The following ZNF451 variants were observed in gnomAD, a reference collection of about 807,000 sequenced individuals.
The protein encoded by ZNF451 is zinc finger protein 451, also known as E3 SUMO-protein ligase ZNF451.
Under a neutral mutation model 107.1 loss-of-function variants are expected in ZNF451, and 80 were observed. That is an observed-to-expected ratio of 0.75 (90% CI 0.62 to 0.90). ZNF451 has a LOEUF of 0.90. Ranked by LOEUF, ZNF451 falls within the 40% of genes least tolerant of loss-of-function variation. The pLI is 0.00. For missense variants in ZNF451, 1,107 were observed against 1,236.2 expected (o/e 0.90, Z 1.57); for synonymous variants, 362 against 406.5 (o/e 0.89, Z 1.32).
intron 3 of ZNF451, among the ~76,000 whole-genome samples, chr6:57,115,851 T>C (rs577940570): frequency 3.5e-4 from 53 of 152,342 alleles, no homozygotes; most frequent in Non-Finnish European, 4.4e-4. Flanking sequence ...TTTAATATTA[T>C]GTGTTTTATT....
chr6:57,101,578 G>A (rs1379297658), intron 3 of ZNF451: 1 of 1,550,914 alleles, frequency 6.4e-7, no homozygotes, highest in South Asian at 1.2e-5. Context: ...TGCAGCCCGA[G>A]CTGCTAGCTA....
intron 13 of ZNF451, 66 bp from the exon 14 acceptor site, chr6:57,161,018 G>T: frequency 9.6e-7 from 1 of 1,044,782 alleles, no homozygotes; most frequent in South Asian, 1.9e-5. Context: ...AGCAGTTATT[G>T]AAAATAATAT....
At chr6:57,112,570 C>T (rs559444820) in intron 3 of ZNF451, among the ~76,000 whole-genome samples, 24 of 152,298 alleles carry the variant, frequency 1.6e-4, no homozygotes, top group African/African-American at 5.8e-4. Flanking sequence ...ACCTTCTTCC[C>T]TCCTACAAAT....
At chr6:57,160,900 T>C (rs913394553) in intron 13 of ZNF451, 184 bp from the exon 14 acceptor site, 15 of 429,514 alleles carry the variant, frequency 3.5e-5, no homozygotes, top group Admixed American at 1.8e-4. Context: ...AACAGGAGAA[T>C]TTAATGTCAC....
chr6:57,151,830 A>T (rs992929858), intron 11 of ZNF451: 3 of 157,442 alleles, frequency 1.9e-5, no homozygotes, highest in African/African-American at 7.2e-5. Flanking sequence ...GACCTGGATA[A>T]GTTAGCCAGT....
intron 3 of ZNF451, chr6:57,124,504 T>A: frequency 1.4e-6 from 1 of 714,716 alleles, no homozygotes; most frequent in East Asian, 2.7e-5. Flanking sequence ...TTTAAGTGAA[T>A]AAAGATGATA....
In ZNF451 at chr6:57,133,192, G is replaced by A; in HGVS notation, c.575G>A (p.Arg192Lys). The stretch of plus-strand genomic sequence containing the variant: ...CACCTTCTCTTAGGACATTTGAAAA[G>A]GTAAGTAGGATATTCATAATAGTGA... The part of the protein sequence containing the change: ...NGHLLLGHLK[R>K]FDHSPCDPTI... The change falls in exon 6 of 15, where the codon AGG (arginine) becomes AAG (lysine). Residue 192 changes from arginine to lysine, a missense_variant and splice_region_variant. Physicochemically the swap from Arg to Lys is conservative, Grantham distance 26. Transcript: ENST00000370706. The A allele has an allele frequency of 6.2e-7, 1 of 1,613,010 alleles. No individual in the cohort carries two copies. Among genetic ancestry groups the A allele is most frequent in the Non-Finnish European group, 8.5e-7 (1 of 1,179,372 alleles).
intron 3 of ZNF451, chr6:57,108,048 C>A: frequency 3.2e-6 from 2 of 626,374 alleles, no homozygotes; most frequent in Non-Finnish European, 4.0e-6. Flanking sequence ...CCGTGTTAGT[C>A]CAGGTGGTCT....
In ZNF451 at chr6:57,161,112, CA is replaced by C; in HGVS notation, c.3104del (p.Asn1035IlefsTer4). Reference sequence around the variant, plus strand: ...GTGACAGTGATGATAACATGGGTGCCAAAAATACTTCAATAGGAGAAGAATT... The same window carrying C: ...GTGACAGTGATGATAACATGGGTGCCAAAATACTTCAATAGGAGAAGAATT... Reference protein sequence around the residue: ...ECDSDDNMGAKNTSIGEEFIS... With the variant: ...ECDSDDNMGAXNTSIGEEFIS... On this transcript the variant is annotated frameshift_variant, in exon 14 of 15. Transcript: ENST00000370706. LOFTEE classifies it high-confidence loss of function. 4 of 1,559,382 alleles carry C rather than the reference CA, an allele frequency of 2.6e-6. No individual in the cohort carries two copies. Among genetic ancestry groups the C allele is most frequent in the South Asian group, 1.2e-5 (1 of 81,176 alleles).
intron 7 of ZNF451, among the ~76,000 whole-genome samples, chr6:57,138,741 A>ATGTGTGTGTG (rs1185366526): frequency 4.3e-5 from 2 of 46,584 alleles, no homozygotes; most frequent in African/African-American, 1.8e-4. Context: ...ATATATATAT[A>ATGTGTGTGTG]TGTGTGTGTG....
chr6:57,141,070 A>G (rs1831732326), intron 7 of ZNF451, among the ~76,000 whole-genome samples: 1 of 152,220 alleles, frequency 6.6e-6, no homozygotes, highest in Non-Finnish European at 1.5e-5. Flanking sequence ...ATTTGTTACT[A>G]CAACAGATGG....
chr6:57,121,493 T>C (rs1830637183), intron 3 of ZNF451, among the ~76,000 whole-genome samples: 1 of 152,178 alleles, frequency 6.6e-6, no homozygotes, highest in African/African-American at 2.4e-5. Context: ...TAGTGAGTCT[T>C]CTATCTGTGA....
intron 3 of ZNF451, among the ~76,000 whole-genome samples, chr6:57,117,656 A>G (rs982112087): frequency 6.6e-6 from 1 of 152,168 alleles, no homozygotes; most frequent in South Asian, 2.1e-4. Context: ...TACTGAATAT[A>G]TAATTGCTGT....
intron 3 of ZNF451, chr6:57,101,622 C>T (rs1390172778): frequency 3.4e-5 from 52 of 1,550,652 alleles, no homozygotes; most frequent in East Asian, 9.8e-5. Context: ...AGCGTAAACT[C>T]TGGGAAGACA....
chr6:57,107,571 C>G, intron 3 of ZNF451: 1 of 985,076 alleles, frequency 1.0e-6, no homozygotes, highest in African/African-American at 1.7e-5. Context: ...AATTTTGAAG[C>G]CCATCCCCAT....
At chr6:57,115,488 G>A (rs146536331) in intron 3 of ZNF451, 5 of 152,234 alleles carry the variant, frequency 3.3e-5, no homozygotes, top group Non-Finnish European at 2.9e-5. Context: ...GAGATGTTTC[G>A]TCAGGTGTAA....
At chr6:57,134,701 G>A (rs750540779) in intron 6 of ZNF451, 43 bp from the exon 7 acceptor site, 1 of 1,582,110 alleles carries the variant, frequency 6.3e-7, no homozygotes, top group Non-Finnish European at 8.6e-7. Flanking sequence ...TCCCTAGAAT[G>A]TAGATTTATC....
chr6:57,090,259 A>G lies in ZNF451; in HGVS notation c.6A>G (p.Gly2=). The change falls in exon 1 of 15, where the codon GGA becomes GGG. Residue 2 remains glycine, a synonymous_variant. Coordinates refer to ENST00000370706, the MANE Select transcript of ZNF451 (RefSeq NM_001031623.3). ...TCAGCGCGGCCGTCGGAGACATGGG[A>G]GACCCGGGGTCGGAGGTGAGTAGTC... M[G]DPGSEIIESV... is the part of the protein sequence containing the mutation. The G allele has an allele frequency of 6.2e-7, 1 of 1,611,346 alleles. No individual in the cohort carries two copies. The highest frequency in any genetic ancestry group is 8.5e-7 in the Non-Finnish European group (1 of 1,179,464).
chr6:57,150,029 A>G (rs891334403), intron 10 of ZNF451, among the ~76,000 whole-genome samples: 1 of 152,218 alleles, frequency 6.6e-6, no homozygotes, highest in Non-Finnish European at 1.5e-5. Context: ...CATTGTTACC[A>G]CAGGAAACTT....
Sources: gnomAD v4.1 joint callset for allele counts (sites outside exome capture counted in the v4.1 genomes callset) on GRCh38, gnomAD v4.1.1 for gene constraint, MANE v1.5 for transcripts, NCBI Gene and HGNC (gene_info 2026-07-23, HGNC 2026-07-21) for gene names.